PSMD11: variants seen among roughly 807,000 people sequenced by gnomAD.
The protein encoded by PSMD11 is 26S proteasome non-ATPase regulatory subunit 11.
A neutral mutation model predicts 62.3 loss-of-function variants in PSMD11; 5 were observed. The observed-to-expected ratio is 0.08, with a 90% CI of 0.04 to 0.17. The LOEUF is 0.17. Ranked by LOEUF, PSMD11 falls within the 10% of genes least tolerant of loss-of-function variation. PSMD11 has a pLI of 1.00. For synonymous variants in PSMD11, 191 were observed against 191.8 expected (o/e 1.00, Z 0.03); for missense variants, 310 against 512.9 (o/e 0.60, Z 3.82).
intron 1 of PSMD11, chr17:32,445,488 G>C (rs539189020): frequency 1.4e-4 from 22 of 152,330 alleles, no homozygotes; most frequent in Non-Finnish European, 2.9e-4. Flanking sequence ...CAGGAAAACT[G>C]AAATGGGAAT....
intron 8 of PSMD11, 112 bp downstream of exon 8, chr17:32,474,936 C>A: frequency 2.1e-6 from 2 of 955,008 alleles, no homozygotes; most frequent in African/African-American, 3.2e-5. Context: ...TCTCTTCCTT[C>A]TGCCCCACTC....
At chr17:32,479,766 C>A in intron 10 of PSMD11, 85 bp from the exon 11 acceptor site, 1 of 1,454,654 alleles carries the variant, frequency 6.9e-7, no homozygotes, top group Non-Finnish European at 9.6e-7. Context: ...AGAAATACAG[C>A]AGTTCTCCCC....
At chr17:32,449,710 A>G (rs1162231392) in intron 2 of PSMD11, among the ~76,000 whole-genome samples, 1 of 152,250 alleles carries the variant, frequency 6.6e-6, no homozygotes, top group Non-Finnish European at 1.5e-5. Context: ...GAGTATAGGT[A>G]TACACAATGG....
chr17:32,469,631 C>T (rs1024719447), intron 6 of PSMD11, among the ~76,000 whole-genome samples: 3 of 152,016 alleles, frequency 2.0e-5, no homozygotes, highest in East Asian at 1.9e-4. Flanking sequence ...TGTAGTTTTC[C>T]GATGGAGTGC....
intron 2 of PSMD11, among the ~76,000 whole-genome samples, chr17:32,453,467 G>A (rs1907563636): frequency 6.6e-6 from 1 of 152,100 alleles, no homozygotes; most frequent in Non-Finnish European, 1.5e-5. Flanking sequence ...GGGGAGTGAA[G>A]GGAAAAGATG....
At chr17:32,456,599 G>A (rs1044653522) in intron 3 of PSMD11, among the ~76,000 whole-genome samples, 7 of 152,142 alleles carry the variant, frequency 4.6e-5, no homozygotes, top group Admixed American at 3.3e-4. Flanking sequence ...GCACGATCTC[G>A]GCTCACTGCA....
intron 6 of PSMD11, among the ~76,000 whole-genome samples, chr17:32,469,447 G>A (rs898256883): frequency 5.3e-5 from 8 of 152,166 alleles, no homozygotes; most frequent in African/African-American, 9.7e-5. Flanking sequence ...AAGGTCGCAC[G>A]TAGAAGACTC....
Position 32,480,184 on chromosome 17 carries a change from C to T in PSMD11, c.1113C>T (p.Asp371=), listed in dbSNP as rs550139626. 6.2e-7 allele frequency: 1 copy of T among 1,613,718 alleles called. No individual in the cohort carries two copies. Among genetic ancestry groups the T allele is most frequent in the African/African-American group, 1.3e-5 (1 of 75,022 alleles). The stretch of plus-strand genomic sequence containing the variant: ...GGAAATTATCACAGATGATTCTTGA[C>T]AAGAAATTTCATGGTAAGTAACAGT... The part of the protein sequence containing the change: ...VERKLSQMIL[D]KKFHGILDQG... The change falls in exon 12 of 14, where the codon GAC becomes GAT. Residue 371 remains aspartate, a synonymous_variant. Coordinates refer to ENST00000261712, the MANE Select transcript of PSMD11 (RefSeq NM_002815.4).
chr17:32,471,376 G>T (rs1908157350), intron 6 of PSMD11, among the ~76,000 whole-genome samples: 1 of 152,200 alleles, frequency 6.6e-6, no homozygotes, highest in Non-Finnish European at 1.5e-5. Flanking sequence ...GCTTAGCCAT[G>T]TATAATTAAG....
At chr17:32,452,479 G>A (rs1907534644) in intron 2 of PSMD11, among the ~76,000 whole-genome samples, 1 of 152,186 alleles carries the variant, frequency 6.6e-6, no homozygotes, top group Admixed American at 6.5e-5. Context: ...CATGGTTAAA[G>A]CCATTTCAGA....
At chr17:32,468,640 A>G (rs1270271829) in intron 5 of PSMD11, among the ~76,000 whole-genome samples, 2 of 152,192 alleles carry the variant, frequency 1.3e-5, no homozygotes, top group East Asian at 1.9e-4. Flanking sequence ...TTTCTTATAT[A>G]GCCTTGTGAT....
chr17:32,455,395 G>T (rs1168095990), intron 3 of PSMD11, among the ~76,000 whole-genome samples: 1 of 152,164 alleles, frequency 6.6e-6, no homozygotes, highest in East Asian at 1.9e-4. Context: ...AGTCACTGTT[G>T]TCATGAGGAT....
At chr17:32,466,996 G>A (rs1294081822) in intron 5 of PSMD11, among the ~76,000 whole-genome samples, 1 of 152,108 alleles carries the variant, frequency 6.6e-6, no homozygotes. Flanking sequence ...CCAGGCTGGA[G>A]TGCAGTGGCG....
At chr17:32,470,595 T>C (rs1908137384) in intron 6 of PSMD11, among the ~76,000 whole-genome samples, 1 of 152,102 alleles carries the variant, frequency 6.6e-6, no homozygotes, top group South Asian at 2.1e-4. Context: ...CCTGTTTCTG[T>C]TTTTAACAAT....
rs1907262794 is a variant in PSMD11 at position 32,444,559 on chromosome 17, C to T, written c.36C>T (p.Ala12=). 3 of 1,611,504 alleles carry T rather than the reference C, an allele frequency of 1.9e-6. No individual in the cohort carries two copies. The highest frequency in any genetic ancestry group is 2.5e-6 in the Non-Finnish European group (3 of 1,179,212). The change falls in exon 1 of 14, where the codon GCC becomes GCT. Residue 12 remains alanine (A), a synonymous_variant. Transcript: ENST00000261712. ...AAAAVVEFQR[A]QSLLSTDREA... ...CGGCGGTGGTGGAGTTCCAGAGAGCCCAGTCTCTACTCAGCACCGACCGGG... is the reference window on the plus strand; with the variant it reads ...CGGCGGTGGTGGAGTTCCAGAGAGCTCAGTCTCTACTCAGCACCGACCGGG...
chr17:32,459,963 TTGGGAAAGAATAGACAAGCAAGTCATAGG>T (rs1907775002), intron 3 of PSMD11, among the ~76,000 whole-genome samples: 2 of 151,870 alleles, frequency 1.3e-5, no homozygotes, highest in Non-Finnish European at 2.9e-5. Flanking sequence ...TGACTGGGTG[TTGGGAAAGAATAGACAAGCAAGTCATAGG>T]TGGGAAAGAA....
chr17:32,474,874 T>C, intron 8 of PSMD11, 50 bp downstream of exon 8: 1 of 1,525,064 alleles, frequency 6.6e-7, no homozygotes, highest in Non-Finnish European at 9.1e-7. Flanking sequence ...CCAGCATGTT[T>C]TCAGAGTCAC....
At chr17:32,461,185 C>T (rs1257752134) in intron 3 of PSMD11, among the ~76,000 whole-genome samples, 1 of 151,960 alleles carries the variant, frequency 6.6e-6, no homozygotes. Flanking sequence ...TCATGTGATT[C>T]TCCTGCCTCA....
At chr17:32,455,415 A>T (rs974267275) in intron 3 of PSMD11, among the ~76,000 whole-genome samples, 4 of 152,212 alleles carry the variant, frequency 2.6e-5, no homozygotes, top group African/African-American at 9.7e-5. Context: ...TTATTTTTTA[A>T]CGGGGAACGC....
Sources: allele counts gnomAD v4.1 joint callset (sites outside exome capture counted in the v4.1 genomes callset), GRCh38; gene constraint gnomAD v4.1.1; transcripts MANE v1.5; gene names NCBI Gene and HGNC (gene_info 2026-07-23, HGNC 2026-07-21).